The following PAIP1 variants were observed in gnomAD, a reference collection of about 807,000 sequenced individuals.
The protein encoded by PAIP1 is poly(A) binding protein interacting protein 1, also known as polyadenylate-binding protein-interacting protein 1.
Under a neutral mutation model 61.3 loss-of-function variants are expected in PAIP1, and 16 were observed. The ratio of observed to expected loss-of-function variants is 0.26; its 90% confidence interval spans 0.18 to 0.40. The LOEUF is 0.40. Ranked by LOEUF, PAIP1 falls within the 10% of genes least tolerant of loss-of-function variation. PAIP1 has a pLI of 1.00. For synonymous variants in PAIP1, 187 were observed against 226.2 expected (o/e 0.83, Z 1.56); for missense variants, 416 against 600.9 (o/e 0.69, Z 3.22).
chr5:43,555,917 G>A lies in PAIP1; in HGVS notation c.348C>T (p.Pro116=), dbSNP rs757516435. ...TTAATACAGGAGCTACAACCACCTG[G>A]GGCTTAGCCATTGCTGACTCCGAGT... ...QQNSESAMAK[P]QVVVAPVLMS... is the part of the protein sequence containing the mutation. Residue 116 remains proline, a synonymous_variant, in exon 2 of 11, where the codon CCC becomes CCT. Coordinates refer to ENST00000306846, the MANE Select transcript of PAIP1 (RefSeq NM_006451.5). 1.2e-6 allele frequency: 2 copies of A among 1,613,936 alleles called. No homozygotes were observed. Among genetic ancestry groups the A allele is most frequent in the Admixed American group, 3.3e-5 (2 of 60,020 alleles).
chr5:43,556,121 A>C, intron 1 of PAIP1, 122 bp from the exon 2 acceptor site: 3 of 1,447,324 alleles, frequency 2.1e-6, no homozygotes, highest in Non-Finnish European at 1.8e-6. Context: ...ACCATCATGA[A>C]ATTTATGGTT....
intron 2 of PAIP1, among the ~76,000 whole-genome samples, chr5:43,551,123 G>A (rs1007095998): frequency 7.9e-5 from 12 of 152,164 alleles, no homozygotes; most frequent in African/African-American, 2.9e-4. Context: ...GGCTCTTAAG[G>A]AAGTAGGAAA....
intron 2 of PAIP1, among the ~76,000 whole-genome samples, chr5:43,552,946 G>A (rs934295958): frequency 2.0e-5 from 3 of 152,172 alleles, no homozygotes; most frequent in Non-Finnish European, 4.4e-5. Flanking sequence ...TCAGACTGCA[G>A]AGGTCTGAAC....
At chr5:43,527,563 T>A in intron 10 of PAIP1, 94 bp from the exon 11 acceptor site, 1 of 1,121,328 alleles carries the variant, frequency 8.9e-7, no homozygotes. Flanking sequence ...ACAACTTTCC[T>A]AGACTGACTT....
chr5:43,544,145 T>TAAA (rs1747535977), intron 3 of PAIP1, among the ~76,000 whole-genome samples: 1 of 99,426 alleles, frequency 1.0e-5, no homozygotes, highest in Non-Finnish European at 2.2e-5. Context: ...CCCCATCTTT[T>TAAA]TAAAAAAAAA....
chr5:43,530,773 G>A (rs895815963), intron 9 of PAIP1, among the ~76,000 whole-genome samples: 1 of 152,052 alleles, frequency 6.6e-6, no homozygotes, highest in African/African-American at 2.4e-5. Flanking sequence ...AAGTCATCAG[G>A]TCACAAATGA....
intron 5 of PAIP1, 48 bp from the exon 6 acceptor site, chr5:43,536,992 T>C (rs773970294): frequency 1.4e-6 from 2 of 1,401,162 alleles, no homozygotes; most frequent in Non-Finnish European, 9.7e-7. Flanking sequence ...CAAAATATAA[T>C]ACAGATACAT....
chr5:43,557,113 G>T, upstream of PAIP1: 2 of 506,274 alleles, frequency 4.0e-6, no homozygotes, highest in Middle Eastern at 6.2e-4. Flanking sequence ...CGCCTTCGGC[G>T]CGGCAGGGGC....
intron 6 of PAIP1, among the ~76,000 whole-genome samples, chr5:43,535,900 T>C (rs1458714156): frequency 6.6e-6 from 1 of 152,020 alleles, no homozygotes; most frequent in Non-Finnish European, 1.5e-5. Context: ...ATATTCCCTG[T>C]ATGACTAAGA....
In PAIP1 at chr5:43,534,912, C is replaced by A. The variant is rs754502613; in HGVS notation, c.1138G>T (p.Val380Phe). ...VELRSSNWGRVHATSTYREAT... is the reference protein window; with the variant it reads ...VELRSSNWGRFHATSTYREAT... ...TCTCTATATGTTGAAGTTGCATGGA[C>A]TCTGCCCCAGTTACTTGACCGGAGT... Residue 380 changes from valine to phenylalanine, a missense_variant, in exon 8 of 11, where the codon GTC (valine) becomes TTC (phenylalanine). Physicochemically the swap from Val to Phe is conservative, Grantham distance 50 (BLOSUM62 -1). Coordinates refer to ENST00000306846, the MANE Select transcript of PAIP1 (RefSeq NM_006451.5). 1.5e-5 allele frequency: 24 copies of A among 1,610,514 alleles called. No individual in the cohort carries two copies. The highest frequency in any genetic ancestry group is 2.0e-5 in the Non-Finnish European group (23 of 1,177,020).
chr5:43,538,099 G>A (rs747915719), intron 5 of PAIP1, among the ~76,000 whole-genome samples: 6 of 150,924 alleles, frequency 4.0e-5, no homozygotes, highest in Non-Finnish European at 7.4e-5. Context: ...ATATACTTAA[G>A]TATACCACCC....
At chr5:43,542,005 A>C (rs1018062855) in intron 4 of PAIP1, among the ~76,000 whole-genome samples, 2 of 142,404 alleles carry the variant, frequency 1.4e-5, no homozygotes, top group African/African-American at 5.2e-5. Context: ...GGTGAACCCC[A>C]TCTCTACTAA....
chr5:43,540,778 G>A (rs1224720874), intron 4 of PAIP1, among the ~76,000 whole-genome samples: 1 of 152,224 alleles, frequency 6.6e-6, no homozygotes, highest in Non-Finnish European at 1.5e-5. Flanking sequence ...TCAATGAGAA[G>A]AGTGGGTCTC....
At chr5:43,529,673 C>A (rs966125195) in intron 10 of PAIP1, 113 bp downstream of exon 10, 2 of 714,638 alleles carry the variant, frequency 2.8e-6, no homozygotes, top group African/African-American at 3.5e-5. Context: ...ATTACAGGCA[C>A]GAGCCACTGC....
chr5:43,545,889 C>T (rs1747617019), intron 3 of PAIP1, among the ~76,000 whole-genome samples: 1 of 152,028 alleles, frequency 6.6e-6, no homozygotes, highest in Admixed American at 6.5e-5. Context: ...CCTGCCTCAG[C>T]CTCCCGAGTA....
In PAIP1 at chr5:43,527,100, T is replaced by G. The variant is rs1746739216; in HGVS notation, c.*276A>C. On this transcript the variant is annotated 3_prime_UTR_variant, in exon 11 of 11. Transcript: ENST00000306846. Reference sequence around the variant, plus strand: ...AGCATCTAACCAACTAGCAAAATTTTCAACATTTCATTTATTTCAAAATCG... The same window carrying G: ...AGCATCTAACCAACTAGCAAAATTTGCAACATTTCATTTATTTCAAAATCG... The G allele has an allele frequency of 4.8e-6, 1 of 208,060 alleles. No homozygotes were observed. Among genetic ancestry groups the G allele is most frequent in the Admixed American group, 5.9e-5 (1 of 17,090 alleles). 12.9% of individuals were successfully genotyped at this position (208,060 alleles called of 1,614,324 possible).
At chr5:43,535,951 A>C (rs1347235057) in intron 6 of PAIP1, among the ~76,000 whole-genome samples, 1 of 150,764 alleles carries the variant, frequency 6.6e-6, no homozygotes, top group East Asian at 2.0e-4. Flanking sequence ...TTTTTTTGAA[A>C]TATACAGCAA....
intron 2 of PAIP1, among the ~76,000 whole-genome samples, chr5:43,549,554 C>T (rs1009186720): frequency 6.6e-6 from 1 of 152,026 alleles, no homozygotes; most frequent in Non-Finnish European, 1.5e-5. Flanking sequence ...CGCCATGATT[C>T]TGAGGCTTTC....
chr5:43,527,556 A>G, intron 10 of PAIP1, 87 bp from the exon 11 acceptor site: 1 of 1,164,438 alleles, frequency 8.6e-7, no homozygotes, highest in Non-Finnish European at 1.2e-6. Flanking sequence ...ATGTAATACA[A>G]CTTTCCTAGA....
Sources: allele counts gnomAD v4.1 joint callset (sites outside exome capture counted in the v4.1 genomes callset), GRCh38; gene constraint gnomAD v4.1.1; transcripts MANE v1.5; gene names NCBI Gene and HGNC (gene_info 2026-07-23, HGNC 2026-07-21).